The following MIA2 variants were observed in gnomAD, a reference collection of about 807,000 sequenced individuals.
MIA2 encodes melanoma inhibitory activity protein 2.
MIA2 carries 127 observed loss-of-function variants against 167.8 expected under a neutral mutation model. That is an observed-to-expected ratio of 0.76 (90% confidence interval 0.66 to 0.88). MIA2 has a LOEUF of 0.88. Ranked by LOEUF, MIA2 falls within the 40% of genes least tolerant of loss-of-function variation. MIA2 has a pLI of 0.00. For synonymous variants in MIA2, 552 were observed against 541.9 expected (o/e 1.02, Z -0.26); for missense variants, 1,690 against 1,624.7 (o/e 1.04, Z -0.69).
intron 23 of MIA2, among the ~76,000 whole-genome samples, chr14:39,381,796 G>C (rs1020445995): frequency 2.6e-5 from 4 of 150,946 alleles, no homozygotes; most frequent in Non-Finnish European, 4.4e-5. Context: ...AAACCCAATG[G>C]GAAAAAGACT....
rs542158007 is a variant in MIA2, at chr14:39,304,076, G to T, written c.2788-215G>T. 1.6e-4 allele frequency among the ~76,000 whole-genome samples: 24 copies of T among 152,074 alleles called. No individual in the cohort carries two copies. The East Asian group carries it at 3.1e-3, about 20-fold the overall frequency. ...TGAAAAGCATTCACTACTTTTCCCT[G>T]TCCCTTGTTCTGAGACTTACAAGCA... On this transcript the variant is annotated intron_variant, in intron 16 of 28. Transcript: ENST00000640607.
chr14:39,382,134 C>G (rs2075177879), intron 23 of MIA2, among the ~76,000 whole-genome samples: 1 of 152,168 alleles, frequency 6.6e-6, no homozygotes, highest in African/African-American at 2.4e-5. Flanking sequence ...GTCAGGGAAG[C>G]AGGAAAACTC....
chr14:39,267,241 G>A (rs1213645841), intron 6 of MIA2: 3 of 1,392,802 alleles, frequency 2.2e-6, no homozygotes, highest in East Asian at 2.7e-5. Flanking sequence ...GCCTCGGGAT[G>A]TAAAGTATAA....
intron 21 of MIA2, among the ~76,000 whole-genome samples, chr14:39,316,422 A>G (rs2065451985): frequency 6.6e-6 from 1 of 152,224 alleles, no homozygotes; most frequent in African/African-American, 2.4e-5. Context: ...TTCATCACCT[A>G]TCATCAGTTT....
intron 17 of MIA2, among the ~76,000 whole-genome samples, chr14:39,307,390 ATTTTTTTTTTT>A (rs373046158): frequency 5.9e-5 from 4 of 67,530 alleles, no homozygotes; most frequent in African/African-American, 2.0e-4. Flanking sequence ...AGTTAAAAGA[ATTTTTTTTTTT>A]TTTTTTTTTT....
At chr14:39,387,061 A>G (rs1361340023) in exon 24 of MIA2, 2 of 683,096 alleles carry the variant, frequency 2.9e-6, no homozygotes, top group Non-Finnish European at 5.0e-6. Context: ...GCGGCGGGTA[A>G]TCAAATTGAA....
Position 39,348,832 on chromosome 14 carries a change from T to C in MIA2, c.3927T>C (p.Gly1309=), listed in dbSNP as rs567654957. ...FVPPPLAPIR[G]PLFPVDARGP... is the part of the protein sequence containing the mutation. The stretch of plus-strand genomic sequence containing the variant: ...CTCCACCTCTTGCTCCAATCAGAGG[T>C]CCATTGTTTCCAGTGGATGCAAGAG... Residue 1309 remains glycine, a synonymous_variant, in exon 28 of 29, where the codon GGT becomes GGC. Coordinates refer to ENST00000640607, the MANE Select transcript of MIA2 (RefSeq NM_001329214.4). 1.2e-6 allele frequency: 2 copies of C among 1,613,862 alleles called. No homozygotes were observed. Among genetic ancestry groups the C allele is most frequent in the Admixed American group, 1.7e-5 (1 of 59,972 alleles).
At chr14:39,307,079 C>T (rs2152910100) in intron 17 of MIA2, among the ~76,000 whole-genome samples, 1 of 151,946 alleles carries the variant, frequency 6.6e-6, no homozygotes, top group African/African-American at 2.4e-5. Context: ...TATGTTTGGG[C>T]ATTTGTTATG....
chr14:39,373,449 AG>A (rs139158336), intron 23 of MIA2, among the ~76,000 whole-genome samples: 11,229 of 152,276 alleles, frequency 0.074, 510 homozygotes, highest in South Asian at 0.17. Flanking sequence ...GAAAGATAAA[AG>A]AATAAAAGCC....
At chr14:39,273,490 C>T (rs542295112) in intron 6 of MIA2, among the ~76,000 whole-genome samples, 1 of 152,160 alleles carries the variant, frequency 6.6e-6, no homozygotes, top group South Asian at 2.1e-4. Context: ...GTAGCTGGGA[C>T]CACAGGCATG....
rs35057307 is a variant in MIA2 at position 39,381,685 on chromosome 14, C to CTT, written c.2249-5193_2249-5192dup. On this transcript the variant is annotated intron_variant, in intron 23 of 23. Transcript: ENST00000341502. ...GCTGGCTGTTTTTTTTTTTCTTTTT[C>CTT]TTTTTTTTCCCCAGCTGTGGGAATC... Among the ~76,000 whole-genome samples, 1,354 of 144,326 alleles carry CTT rather than the reference C, an allele frequency of 9.4e-3. 20 individuals carry two copies. The highest frequency in any genetic ancestry group is 0.033 in the African/African-American group (1,271 of 39,086). 94.7% of individuals were successfully genotyped at this position (144,326 alleles called of 152,430 possible).
At chr14:39,286,703 T>TTC (rs1331224443) in intron 9 of MIA2, among the ~76,000 whole-genome samples, 3 of 150,690 alleles carry the variant, frequency 2.0e-5, no homozygotes, top group African/African-American at 7.3e-5. Flanking sequence ...TTACTTTTTT[T>TTC]TTTTTTTTGA....
intron 13 of MIA2, among the ~76,000 whole-genome samples, chr14:39,297,476 A>G (rs573265902): frequency 2.0e-5 from 3 of 152,156 alleles, no homozygotes; most frequent in Admixed American, 6.5e-5. Context: ...CACATTTCCC[A>G]TTTGGGAGGT....
intron 6 of MIA2, among the ~76,000 whole-genome samples, chr14:39,262,221 A>G (rs968470950): frequency 5.3e-5 from 8 of 152,046 alleles, no homozygotes; most frequent in African/African-American, 1.9e-4. Context: ...CTAGCCAGTT[A>G]GCTTTCTACA....
intron 13 of MIA2, among the ~76,000 whole-genome samples, chr14:39,298,443 A>ATATATATATATATATGTATATATATATGT (rs1372100362): frequency 2.0e-5 from 1 of 50,056 alleles, no homozygotes; most frequent in Non-Finnish European, 3.5e-5. Flanking sequence ...ATATATATAT[A>ATATATATATATATATGTATATATATATGT]AAGATTAGTT....
rs1050711727 is a variant in MIA2, at chr14:39,252,693, G to A, written c.1568-55G>A. 6.6e-6 allele frequency: 9 copies of A among 1,357,876 alleles called. No individual in the cohort carries two copies. In the African/African-American group the frequency reaches 7.2e-5, roughly 11 times the overall value. The allele number at this position is 1,357,876 out of a possible 1,614,324, so 84.1% of individuals were successfully genotyped here. ...GACCTGCCTAGAAAACAAAAGGGGA[G>A]CCCTCAACAAAGCAAGTATTTTGGA... On this transcript the variant is annotated intron_variant, in intron 4 of 28. Coordinates refer to ENST00000640607, the MANE Select transcript of MIA2 (RefSeq NM_001329214.4).
chr14:39,339,506 C>G (rs1462616073), intron 25 of MIA2, among the ~76,000 whole-genome samples: 1 of 152,068 alleles, frequency 6.6e-6, no homozygotes, highest in Non-Finnish European at 1.5e-5. Flanking sequence ...TTTTTAGGAT[C>G]TATGTGCTAT....
chr14:39,281,879 C>T (rs2059002926), intron 9 of MIA2, among the ~76,000 whole-genome samples: 1 of 152,186 alleles, frequency 6.6e-6, no homozygotes, highest in South Asian at 2.1e-4. Flanking sequence ...CCTTGGCCTC[C>T]CAAAGTGCTA....
In MIA2 at chr14:39,302,202, A is replaced by T. The variant is rs2062629811; in HGVS notation, c.2693A>T (p.Asn898Ile). The change falls in exon 15 of 29, where the codon AAC becomes ATC. Residue 898 changes from asparagine (N) to isoleucine (I), a missense_variant. Physicochemically the swap from Asn to Ile is moderately radical, Grantham distance 149. Transcript: ENST00000640607. ...MLGEDITDDD[N>I]LELEMNSESE... ...GGAGAAGACATAACGGATGATGATAACTTGGAATTAGAAATGAACAGTGAA... is the reference window on the plus strand; with the variant it reads ...GGAGAAGACATAACGGATGATGATATCTTGGAATTAGAAATGAACAGTGAA... 6.2e-7 allele frequency: 1 copy of T among 1,614,004 alleles called. No homozygotes were observed. The highest frequency in any genetic ancestry group is 8.5e-7 in the Non-Finnish European group (1 of 1,179,900).
Sources: gnomAD v4.1 joint callset for allele counts (sites outside exome capture counted in the v4.1 genomes callset) on GRCh38, gnomAD v4.1.1 for gene constraint, MANE v1.5 for transcripts, NCBI Gene and HGNC (gene_info 2026-07-23, HGNC 2026-07-21) for gene names.